The following DNAH8 variants were observed in gnomAD, a reference collection of about 807,000 sequenced individuals.
The protein encoded by DNAH8 is dynein axonemal heavy chain 8.
Under a neutral mutation model 562.1 loss-of-function variants are expected in DNAH8, and 382 were observed. That is an observed-to-expected ratio of 0.68 (90% CI 0.63 to 0.74). DNAH8 has a LOEUF of 0.74. Ranked by LOEUF, DNAH8 falls within the 30% of genes least tolerant of loss-of-function variation. The probability of loss-of-function intolerance (pLI) is 0.00; values close to 1 mark genes in which losing one functional copy is unlikely to be tolerated. For synonymous variants in DNAH8, 1,881 were observed against 1,919.4 expected, an observed-to-expected ratio of 0.98 and a Z score of 0.52; for missense variants, 5,203 against 5,620.4, an observed-to-expected ratio of 0.93 and a Z score of 2.37.
At chr6:38,719,178 G>C (rs1475749801) in intron 1 of DNAH8, among the ~76,000 whole-genome samples, 1 of 152,126 alleles carries the variant, frequency 6.6e-6, no homozygotes, top group African/African-American at 2.4e-5. Context: ...AGACATCTAG[G>C]GGGTGCTACA....
In DNAH8 at chr6:38,852,696, G is replaced by T. The variant is rs61757626; in HGVS notation, c.5469G>T (p.Pro1823=). The change falls in exon 40 of 93, where the codon CCG becomes CCT. Residue 1823 remains proline (P), a splice_region_variant and synonymous_variant. Coordinates refer to ENST00000327475, the MANE Select transcript of DNAH8 (RefSeq NM_001206927.2). The stretch of plus-strand genomic sequence containing the variant: ...TGACGTTTTCCTCTGTCTTACAGCC[G>T]CATCTCCCTGCAGTATCTGACAACA... ...GQASDSHTIQ[P]HLPAVSDNIN... The T allele has an allele frequency of 1.1e-4, 177 of 1,609,892 alleles. No homozygotes were observed. The highest frequency in any genetic ancestry group is 1.4e-4 in the Non-Finnish European group (170 of 1,177,348).
At chr6:38,737,496 A>G (rs1447545026) in intron 6 of DNAH8, among the ~76,000 whole-genome samples, 1 of 151,568 alleles carries the variant, frequency 6.6e-6, no homozygotes, top group Non-Finnish European at 1.5e-5. Flanking sequence ...ATTAATGAAA[A>G]TTTTCACCAT....
At chr6:38,763,075 G>T in intron 11 of DNAH8, 1 of 366,182 alleles carries the variant, frequency 2.7e-6, no homozygotes. Context: ...ATCATGGAAA[G>T]CAGCCAGTGA....
chr6:38,889,810 A>G (rs574441764), intron 57 of DNAH8, among the ~76,000 whole-genome samples: 3 of 152,280 alleles, frequency 2.0e-5, no homozygotes, highest in Middle Eastern at 3.4e-3. Flanking sequence ...CCCCAGGGCA[A>G]TTCTTCAATT....
intron 22 of DNAH8, among the ~76,000 whole-genome samples, chr6:38,804,281 G>C (rs183652544): frequency 1.3e-5 from 2 of 152,126 alleles, no homozygotes; most frequent in Admixed American, 1.3e-4. Context: ...TAAGAACACG[G>C]GACTTTTAGC....
intron 85 of DNAH8, among the ~76,000 whole-genome samples, chr6:38,979,149 T>C (rs1247338720): frequency 6.6e-6 from 1 of 152,242 alleles, no homozygotes; most frequent in East Asian, 1.9e-4. Context: ...GGAAGTCTCT[T>C]CTCTCCTCCT....
chr6:38,794,179 T>C (rs553207857), intron 21 of DNAH8, among the ~76,000 whole-genome samples: 1 of 152,042 alleles, frequency 6.6e-6, no homozygotes, highest in African/African-American at 2.4e-5. Context: ...TCAACCAAGG[T>C]AGCTGACTTT....
chr6:38,940,693 C>T (rs927573668), intron 79 of DNAH8, among the ~76,000 whole-genome samples: 4 of 152,182 alleles, frequency 2.6e-5, no homozygotes, highest in African/African-American at 9.7e-5. Context: ...AAGCCAGACA[C>T]ACAGCCACAT....
At chr6:38,959,031 A>G (rs1158371851) in intron 82 of DNAH8, among the ~76,000 whole-genome samples, 1 of 152,224 alleles carries the variant, frequency 6.6e-6, no homozygotes, top group African/African-American at 2.4e-5. Context: ...CAAAAACCAT[A>G]TGATCATCTC....
At chr6:38,843,346 C>CTT (rs35702898) in intron 35 of DNAH8, among the ~76,000 whole-genome samples, 4 of 149,534 alleles carry the variant, frequency 2.7e-5, no homozygotes, top group South Asian at 4.3e-4. Flanking sequence ...TGTGGCCAAT[C>CTT]TTTTTTTTTC....
At chr6:38,945,339 T>G in intron 79 of DNAH8, 128 bp from the exon 80 acceptor site, 3 of 987,242 alleles carry the variant, frequency 3.0e-6, no homozygotes, top group Non-Finnish European at 4.5e-6. Flanking sequence ...TTTTCTGTAA[T>G]ATTATTATTT....
chr6:38,790,068 A>C lies in DNAH8; in HGVS notation c.2664+185A>C, dbSNP rs551511668. ...TCTAAGTTTCGTTGCCTTTGAAAAA[A>C]CAACTAAATCTAAATCATGAGCATT... On this transcript the variant is annotated intron_variant, in intron 19 of 92. Transcript: ENST00000327475. Among the ~76,000 whole-genome samples, 2 of 152,120 alleles carry C rather than the reference A, an allele frequency of 1.3e-5. 1 individual carries two copies. The highest frequency in any genetic ancestry group is 3.9e-4 in the East Asian group (2 of 5,180).
intron 57 of DNAH8, among the ~76,000 whole-genome samples, chr6:38,889,203 A>G (rs767222291): frequency 1.3e-4 from 20 of 152,260 alleles, no homozygotes; most frequent in Admixed American, 3.3e-4. Flanking sequence ...GTGAAAATGA[A>G]TGAATATAGC....
At chr6:38,936,925 C>A (rs973447888) in intron 77 of DNAH8, among the ~76,000 whole-genome samples, 3 of 152,134 alleles carry the variant, frequency 2.0e-5, no homozygotes, top group African/African-American at 7.2e-5. Flanking sequence ...GATATGGGGA[C>A]TGTTAGCTCA....
At position 39,029,516 on chromosome 6, in the gene DNAH8, A is replaced by C. The variant is rs140562789; in HGVS notation, c.13837-589A>C. 1.9e-3 allele frequency among the ~76,000 whole-genome samples: 290 copies of C among 152,282 alleles called. 3 individuals are homozygous for C. The East Asian group carries it at 0.034, about 18-fold the overall frequency. ...TATCTCCCTGATTTAATGATGAGGAACCCCAGGGTAGGGCCTATTGTATGA... is the reference window on the plus strand; with the variant it reads ...TATCTCCCTGATTTAATGATGAGGACCCCCAGGGTAGGGCCTATTGTATGA... On this transcript the variant is annotated intron_variant, in intron 92 of 92. Transcript: ENST00000327475.
chr6:38,862,217 C>T (rs1055911582), intron 43 of DNAH8, 63 bp from the exon 44 acceptor site: 2 of 1,465,584 alleles, frequency 1.4e-6, no homozygotes, highest in Non-Finnish European at 9.3e-7. Flanking sequence ...TGGATTTTTG[C>T]TTGCGCCATC....
intron 18 of DNAH8, among the ~76,000 whole-genome samples, chr6:38,789,285 C>T (rs530187241): frequency 2.4e-3 from 363 of 152,256 alleles, no homozygotes; most frequent in Admixed American, 5.0e-3. Flanking sequence ...TAACTCGAAT[C>T]TGCATTTCCC....
chr6:38,845,393 G>A (rs1775204664), intron 35 of DNAH8, among the ~76,000 whole-genome samples, 181 bp from the exon 36 acceptor site: 2 of 152,108 alleles, frequency 1.3e-5, no homozygotes. Context: ...TAAATAATTA[G>A]TAAGGCTCTA....
At chr6:38,826,771 T>A (rs1481537326) in intron 29 of DNAH8, among the ~76,000 whole-genome samples, 1 of 152,190 alleles carries the variant, frequency 6.6e-6, no homozygotes, top group Non-Finnish European at 1.5e-5. Flanking sequence ...TAGGTCTCAC[T>A]CATGAACGGT....
Sources: gnomAD v4.1 joint callset for allele counts (sites outside exome capture counted in the v4.1 genomes callset) on GRCh38, gnomAD v4.1.1 for gene constraint, MANE v1.5 for transcripts, NCBI Gene and HGNC (gene_info 2026-07-23, HGNC 2026-07-21) for gene names.